PRMT3: variants seen among roughly 807,000 people sequenced by gnomAD.
PRMT3 encodes the protein protein arginine methyltransferase 3.
PRMT3 carries 62 observed loss-of-function variants against 71.9 expected under a neutral mutation model. The observed-to-expected ratio is 0.86, with a 90% CI of 0.70 to 1.07. The LOEUF is 1.07. Among genes scored for constraint, PRMT3 ranks in the 50% least tolerant of loss-of-function variants. The pLI, the probability that PRMT3 is intolerant of heterozygous loss-of-function variation, is 0.00. For missense variants in PRMT3, 663 were observed against 643.0 expected (o/e 1.03, Z -0.34); for synonymous variants, 213 against 220.4 (o/e 0.97, Z 0.30).
intron 2 of PRMT3, 102 bp downstream of exon 2, chr11:20,388,256 T>C: frequency 6.6e-7 from 1 of 1,517,668 alleles, no homozygotes; most frequent in Non-Finnish European, 9.0e-7. Flanking sequence ...CAGAGTGGCC[T>C]GTCTTTGAAT....
intron 9 of PRMT3, among the ~76,000 whole-genome samples, chr11:20,411,760 G>T (rs77902618): frequency 0.029 from 4,358 of 152,048 alleles, 216 homozygotes; most frequent in African/African-American, 0.098. Context: ...CTATAAATAG[G>T]CTTTTGCAAA....
At chr11:20,475,096 G>C (rs1356431099) in intron 13 of PRMT3, among the ~76,000 whole-genome samples, 1 of 152,174 alleles carries the variant, frequency 6.6e-6, no homozygotes, top group East Asian at 1.9e-4. Flanking sequence ...TCTTGGTTAA[G>C]GTACAAGGAC....
intron 13 of PRMT3, among the ~76,000 whole-genome samples, chr11:20,480,931 G>T (rs910007289): frequency 1.3e-5 from 2 of 152,142 alleles, no homozygotes; most frequent in South Asian, 2.1e-4. Context: ...TTTGAGTTAT[G>T]TAAGTAGTGA....
intron 5 of PRMT3, chr11:20,393,696 CT>C (rs1328645749): frequency 6.6e-6 from 1 of 152,094 alleles, no homozygotes; most frequent in Non-Finnish European, 1.5e-5. Context: ...ACTGAATCCT[CT>C]TTTTTTCAAA....
intron 15 of PRMT3, among the ~76,000 whole-genome samples, chr11:20,506,846 T>C (rs1454571453): frequency 6.6e-6 from 1 of 152,234 alleles, no homozygotes; most frequent in East Asian, 1.9e-4. Context: ...CTCTTTAAAA[T>C]AAATGAAAAA....
chr11:20,507,668 A>C (rs766618835), intron 15 of PRMT3, among the ~76,000 whole-genome samples: 1 of 152,052 alleles, frequency 6.6e-6, no homozygotes, highest in Non-Finnish European at 1.5e-5. Flanking sequence ...AATCCCAGCT[A>C]CTTGGGAGGC....
chr11:20,473,369 T>C (rs1850699386), intron 13 of PRMT3, among the ~76,000 whole-genome samples: 1 of 152,166 alleles, frequency 6.6e-6, no homozygotes, highest in East Asian at 1.9e-4. Flanking sequence ...GTACATTTAG[T>C]GCTATATATT....
intron 9 of PRMT3, among the ~76,000 whole-genome samples, chr11:20,412,250 AT>A (rs1156885614): frequency 6.6e-6 from 1 of 152,112 alleles, no homozygotes; most frequent in African/African-American, 2.4e-5. Flanking sequence ...CATGTTTAAG[AT>A]TCATTATAGA....
At chr11:20,486,208 G>T (rs1055752266) in intron 13 of PRMT3, among the ~76,000 whole-genome samples, 1 of 152,154 alleles carries the variant, frequency 6.6e-6, no homozygotes, top group African/African-American at 2.4e-5. Context: ...TCTTTTGGGG[G>T]AAATGAAATG....
At chr11:20,464,430 G>T in intron 12 of PRMT3, 30 bp from the exon 13 acceptor site, 3 of 1,499,382 alleles carry the variant, frequency 2.0e-6, no homozygotes, top group Non-Finnish European at 2.7e-6. Context: ...TTTTTACTAA[G>T]CTCTTTCTTC....
At chr11:20,419,921 C>T (rs1849389241) in intron 9 of PRMT3, among the ~76,000 whole-genome samples, 1 of 152,158 alleles carries the variant, frequency 6.6e-6, no homozygotes, top group African/African-American at 2.4e-5. Context: ...CCTGTAATTC[C>T]AATACTTTGG....
chr11:20,434,715 T>A (rs1415313292), intron 10 of PRMT3, among the ~76,000 whole-genome samples: 1 of 152,134 alleles, frequency 6.6e-6, no homozygotes, highest in African/African-American at 2.4e-5. Context: ...TATTTCTGGG[T>A]CCGCTGTTCT....
At chr11:20,435,137 G>A (rs750178772) in intron 10 of PRMT3, among the ~76,000 whole-genome samples, 10 of 152,204 alleles carry the variant, frequency 6.6e-5, no homozygotes, top group Admixed American at 2.0e-4. Flanking sequence ...GTCCTGAAGC[G>A]TTTCCCCTAT....
intron 10 of PRMT3, among the ~76,000 whole-genome samples, chr11:20,435,452 T>G (rs1315269136): frequency 6.6e-6 from 1 of 152,174 alleles, no homozygotes; most frequent in South Asian, 2.1e-4. Context: ...GCCACCCACG[T>G]CAGCCTCCCA....
chr11:20,479,422 A>T (rs1359393328), intron 13 of PRMT3, among the ~76,000 whole-genome samples: 1 of 152,154 alleles, frequency 6.6e-6, no homozygotes, highest in Non-Finnish European at 1.5e-5. Context: ...CTTTCAGTGG[A>T]AAAAATATTC....
chr11:20,478,748 A>C (rs1850858227), intron 13 of PRMT3, among the ~76,000 whole-genome samples: 1 of 152,156 alleles, frequency 6.6e-6, no homozygotes, highest in Non-Finnish European at 1.5e-5. Flanking sequence ...TTAAGCTTTA[A>C]ATTTTTCTAA....
intron 13 of PRMT3, among the ~76,000 whole-genome samples, chr11:20,472,159 A>G (rs892934876): frequency 2.6e-5 from 4 of 152,114 alleles, no homozygotes; most frequent in Non-Finnish European, 2.9e-5. Flanking sequence ...AGATAATTTG[A>G]CTTCCTCTCT....
chr11:20,482,330 A>G (rs966416096), intron 13 of PRMT3, among the ~76,000 whole-genome samples: 1 of 152,152 alleles, frequency 6.6e-6, no homozygotes, highest in African/African-American at 2.4e-5. Flanking sequence ...TTTGAGTGGA[A>G]TCTTAAAATT....
rs116197576 is a variant in PRMT3, at chr11:20,397,550, C to G, written c.561-27C>G. 3.1e-4 allele frequency: 503 copies of G among 1,612,332 alleles called. 1 individual carries two copies. The African/African-American group carries it at 5.8e-3, about 19-fold the overall frequency. On this transcript the variant is annotated intron_variant, in intron 6 of 15. Transcript: ENST00000331079. ...TATTCATGGTCCAATAAACCTGTCT[C>G]AAGGGTGTATTTCAAATTGATTACA...
Sources: allele counts gnomAD v4.1 joint callset (sites outside exome capture counted in the v4.1 genomes callset), GRCh38; gene constraint gnomAD v4.1.1; transcripts MANE v1.5; gene names NCBI Gene and HGNC (gene_info 2026-07-23, HGNC 2026-07-21).